Variants in ADGRL1 observed in about 807,000 individuals in gnomAD.
ADGRL1 encodes the protein adhesion G protein-coupled receptor L1.
Under a neutral mutation model 148.9 loss-of-function variants are expected in ADGRL1, and 31 were observed. That is an observed-to-expected ratio of 0.21 (90% CI 0.16 to 0.28). ADGRL1 has a LOEUF of 0.28. ADGRL1 is among the 10% of genes least tolerant of loss of function. The pLI is 1.00. For missense variants in ADGRL1, 1,521 were observed against 2,058.8 expected, an observed-to-expected ratio of 0.74 and a Z score of 5.05; for synonymous variants, 937 against 900.3, an observed-to-expected ratio of 1.04 and a Z score of -0.73.
chr19:14,151,358 G>A lies in ADGRL1; in HGVS notation c.3925C>T (p.Pro1309Ser), dbSNP rs1447538153. Residue 1309 changes from proline (P) to serine (S), a missense_variant, in exon 23 of 23, where the codon CCA becomes TCA. Pro to Ser is a moderately conservative substitution (Grantham distance 74). Coordinates refer to ENST00000361434, the MANE Select transcript of ADGRL1 (RefSeq NM_014921.5). ...PPPEPPVPPV[P>S]GGGGEEEAGG... ...GCCTCTTCCTCGCCCCCGCCCCCTGGCACAGGTGGCACAGGGGGCTCAGGC... is the reference window on the plus strand; with the variant it reads ...GCCTCTTCCTCGCCCCCGCCCCCTGACACAGGTGGCACAGGGGGCTCAGGC... The A allele has an allele frequency of 6.3e-7, 1 of 1,598,612 alleles. No homozygotes were observed. The highest frequency in any genetic ancestry group is 8.5e-7 in the Non-Finnish European group (1 of 1,173,620).
Position 14,161,369 on chromosome 19 carries a change from A to G in ADGRL1, c.1453T>C (p.Trp485Arg). The part of the protein sequence containing the change: ...CEPREVRRVQ[W>R]PATQQGMLVE... ...AGCATGCCCTGCTGGGTGGCCGGCC[A>G]CTGGACCCGCCGTACCTCTCGGGGC... Residue 485 changes from tryptophan (W) to arginine (R), a missense_variant, in exon 6 of 23, where the codon TGG (tryptophan) becomes CGG (arginine). Trp to Arg is a moderately radical substitution (Grantham distance 101, BLOSUM62 -3). This residue lies in a region of ADGRL1 where 270 missense variants were observed against 320.4 expected (regional missense o/e 0.84). Coordinates refer to ENST00000361434, the MANE Select transcript of ADGRL1 (RefSeq NM_014921.5). This position sits in a 1 kb window ranked among gnomAD's most constrained non-coding sequence, Gnocchi z 4.4. 1 of 1,561,290 alleles carries G rather than the reference A, an allele frequency of 6.4e-7. No homozygotes were observed. Among genetic ancestry groups the G allele is most frequent in the Non-Finnish European group, 8.6e-7 (1 of 1,156,776 alleles).
At chr19:14,197,498 T>C (rs1309212453) in intron 1 of ADGRL1, among the ~76,000 whole-genome samples, 4 of 152,184 alleles carry the variant, frequency 2.6e-5, no homozygotes, top group Non-Finnish European at 5.9e-5. Context: ...CATGGCTCCC[T>C]ATTGCCTGTG....
Position 14,152,172 on chromosome 19 carries a change from G to C in ADGRL1, c.3650-22C>G. 4 of 1,614,062 alleles carry C rather than the reference G, an allele frequency of 2.5e-6. No homozygotes were observed. Among genetic ancestry groups the C allele is most frequent in the South Asian group, 1.1e-5 (1 of 91,090 alleles). ...CTCCCTGCAGGTGGCAGCCAGAAGA[G>C]AGAAGAGAAAAGGCAAGGATGAGCT... On this transcript the variant is annotated intron_variant, in intron 21 of 22. Coordinates refer to ENST00000361434, the MANE Select transcript of ADGRL1 (RefSeq NM_014921.5). This position sits in a 1 kb window ranked among gnomAD's most constrained non-coding sequence, Gnocchi z 6.1.
At chr19:14,170,878 T>C (rs1325696709) in intron 3 of ADGRL1, 87 bp from the exon 4 acceptor site, 1 of 699,828 alleles carries the variant, frequency 1.4e-6, no homozygotes, top group Admixed American at 2.2e-5. Context: ...CATGGTGTCA[T>C]AGACACCCCC....
chr19:14,156,453 C>G (rs1164583163), intron 16 of ADGRL1, among the ~76,000 whole-genome samples: 1 of 151,904 alleles, frequency 6.6e-6, no homozygotes, highest in Non-Finnish European at 1.5e-5. Context: ...CAAATCACAG[C>G]CCCCCAGGCG....
At chr19:14,183,959 G>A (rs1354109904) in intron 1 of ADGRL1, among the ~76,000 whole-genome samples, 3 of 152,152 alleles carry the variant, frequency 2.0e-5, no homozygotes, top group Non-Finnish European at 2.9e-5. Flanking sequence ...GACAGCTCAC[G>A]GGGAGATCCC....
intron 1 of ADGRL1, among the ~76,000 whole-genome samples, chr19:14,196,210 C>T (rs769225926): frequency 6.6e-6 from 1 of 152,212 alleles, no homozygotes; most frequent in Non-Finnish European, 1.5e-5. Context: ...ATGTTTCCCC[C>T]AGGGCCACCA....
intron 1 of ADGRL1, among the ~76,000 whole-genome samples, chr19:14,184,638 A>ATTTTTTTTTTTT (rs1293975046): frequency 4.1e-5 from 5 of 120,922 alleles, no homozygotes; most frequent in Non-Finnish European, 6.6e-5. Context: ...TTATTTATTT[A>ATTTTTTTTTTTT]TTTATTTATT....
In ADGRL1 at chr19:14,148,042, A is replaced by G. The variant is rs1246029982; in HGVS notation, c.*2831T>C. 1 of 152,194 alleles carries G rather than the reference A, an allele frequency of 6.6e-6. No homozygotes were observed. The highest frequency in any genetic ancestry group is 1.5e-5 in the Non-Finnish European group (1 of 67,936). 9.4% of individuals were successfully genotyped at this position (152,194 alleles called of 1,614,324 possible). ...GTTGGAGACAGAGAAAGGGGAAGGC[A>G]AGGGAAAGCCAAAAGAAACCAAAAT... On this transcript the variant is annotated 3_prime_UTR_variant, in exon 23 of 23. Transcript: ENST00000361434.
intron 3 of ADGRL1, among the ~76,000 whole-genome samples, chr19:14,176,182 C>A (rs1243341602): frequency 6.6e-6 from 1 of 150,846 alleles, no homozygotes. Context: ...CACCCCGTCT[C>A]TATTAAAAAT....
Position 14,155,770 on chromosome 19 carries a change from C to G in ADGRL1, c.3126-243G>C, listed in dbSNP as rs1968665660. 5 of 578,750 alleles carry G rather than the reference C, an allele frequency of 8.6e-6. No homozygotes were observed. The South Asian group carries it at 1.1e-4, about 12-fold the overall frequency. 35.9% of individuals were successfully genotyped at this position (578,750 alleles called of 1,614,324 possible). On this transcript the variant is annotated intron_variant, in intron 17 of 22. Transcript: ENST00000361434. The surrounding 1 kb of genome is among the most constrained non-coding windows in gnomAD (Gnocchi z 5.0). Reference sequence around the variant, plus strand: ...ATTGTGAACATCAGTTATTCCTCTGCCAACTTCATTGTTTCTGCTAAATTT... The same window carrying G: ...ATTGTGAACATCAGTTATTCCTCTGGCAACTTCATTGTTTCTGCTAAATTT...
At chr19:14,184,638 A>ATTTTTTTTTTT (rs1293975046) in intron 1 of ADGRL1, among the ~76,000 whole-genome samples, 1 of 120,950 alleles carries the variant, frequency 8.3e-6, no homozygotes, top group Non-Finnish European at 1.7e-5. Flanking sequence ...TTATTTATTT[A>ATTTTTTTTTTT]TTTATTTATT....
chr19:14,171,568 T>C (rs572581911), intron 3 of ADGRL1, among the ~76,000 whole-genome samples: 6 of 152,344 alleles, frequency 3.9e-5, no homozygotes, highest in African/African-American at 9.6e-5. Context: ...GAGTAATACA[T>C]GTGAAGCCAT....
chr19:14,203,590 C>A (rs1484922066), intron 1 of ADGRL1, among the ~76,000 whole-genome samples: 1 of 152,170 alleles, frequency 6.6e-6, no homozygotes, highest in Non-Finnish European at 1.5e-5. Flanking sequence ...GCAGCTGAGG[C>A]GCCTGTAGGC....
intron 1 of ADGRL1, among the ~76,000 whole-genome samples, chr19:14,193,285 A>AG (rs1972062975): frequency 6.6e-6 from 1 of 150,894 alleles, no homozygotes; most frequent in African/African-American, 2.4e-5. Flanking sequence ...AAAAAAAAAA[A>AG]AAAAAAAACT....
At chr19:14,164,063 C>T (rs1174991614) in intron 4 of ADGRL1, among the ~76,000 whole-genome samples, 3 of 151,998 alleles carry the variant, frequency 2.0e-5, no homozygotes, top group East Asian at 3.9e-4. Context: ...GGTTTCAACT[C>T]TCTCCCCAGG....
At chr19:14,183,399 T>C (rs1971356240) in intron 2 of ADGRL1, 134 bp downstream of exon 2, 2 of 799,180 alleles carry the variant, frequency 2.5e-6, no homozygotes, top group Non-Finnish European at 2.0e-6. Flanking sequence ...ACTGGCCTGC[T>C]CCAGCTGAGG....
chr19:14,172,095 G>A (rs74521424), intron 3 of ADGRL1, among the ~76,000 whole-genome samples: 1,656 of 152,326 alleles, frequency 0.011, 30 homozygotes, highest in African/African-American at 0.037. Flanking sequence ...GGGAAGATCT[G>A]TCTGTATCCA....
intron 1 of ADGRL1, among the ~76,000 whole-genome samples, chr19:14,192,849 C>A (rs972354813): frequency 6.6e-6 from 1 of 152,180 alleles, no homozygotes; most frequent in Non-Finnish European, 1.5e-5. Flanking sequence ...CCGTGCCCAG[C>A]CTTCTAGATT....
Sources: gnomAD v4.1 joint callset for allele counts (sites outside exome capture counted in the v4.1 genomes callset) on GRCh38, gnomAD v4.1.1 for gene constraint, gnomAD v4.1.1 regional missense constraint, Gnocchi (gnomAD v3.1) non-coding constraint, MANE v1.5 for transcripts, NCBI Gene and HGNC (gene_info 2026-07-23, HGNC 2026-07-21) for gene names.